The following CABYR variants were observed in gnomAD, a reference collection of about 807,000 sequenced individuals.
The protein encoded by CABYR is calcium-binding tyrosine phosphorylation-regulated protein.
A neutral mutation model predicts 36.1 loss-of-function variants in CABYR; 31 were observed. That is an observed-to-expected ratio of 0.86 (90% confidence interval 0.64 to 1.16). CABYR has a LOEUF of 1.16. CABYR is among the 50% of genes most tolerant of loss of function. The pLI, the probability that CABYR is intolerant of heterozygous loss-of-function variation, is 0.00. For synonymous variants in CABYR, 146 were observed against 160.7 expected, an observed-to-expected ratio of 0.91 and a Z score of 0.69; for missense variants, 429 against 455.8, an observed-to-expected ratio of 0.94 and a Z score of 0.53.
At chr18:24,146,842 A>C (rs1221828310) in intron 3 of CABYR, among the ~76,000 whole-genome samples, 1 of 152,194 alleles carries the variant, frequency 6.6e-6, no homozygotes, top group Non-Finnish European at 1.5e-5. Flanking sequence ...AAGCCAAAAG[A>C]CAATGGAATG....
chr18:24,148,880 A>G (rs1301332635), intron 3 of CABYR, among the ~76,000 whole-genome samples: 2 of 144,144 alleles, frequency 1.4e-5, no homozygotes, highest in East Asian at 3.9e-4. Flanking sequence ...GAGCAGTGGC[A>G]AAATTTATTG....
At chr18:24,154,851 T>C (rs758345159) in intron 3 of CABYR, among the ~76,000 whole-genome samples, 3 of 152,186 alleles carry the variant, frequency 2.0e-5, no homozygotes, top group Non-Finnish European at 4.4e-5. Context: ...AGAATTTTCC[T>C]CATGCCTGAG....
intron 4 of CABYR, 77 bp downstream of exon 4, chr18:24,156,119 C>T (rs371091135): frequency 1.9e-6 from 3 of 1,614,108 alleles, no homozygotes; most frequent in Admixed American, 3.3e-5. Context: ...CTGTTGTTAT[C>T]AAGGAGGTGC....
At chr18:24,160,363 G>GT (rs2085924554) in intron 5 of CABYR, 1 of 325,432 alleles carries the variant, frequency 3.1e-6, no homozygotes, top group Non-Finnish European at 5.6e-6. Flanking sequence ...AAACACAGTG[G>GT]TAGATGCGAA....
intron 3 of CABYR, among the ~76,000 whole-genome samples, chr18:24,147,234 C>T (rs2085480859): frequency 8.8e-6 from 1 of 114,234 alleles, no homozygotes; most frequent in Non-Finnish European, 1.6e-5. Flanking sequence ...GCCTAGGTGA[C>T]AGTGCAAAAC....
chr18:24,154,663 A>C (rs1160878940), intron 3 of CABYR, among the ~76,000 whole-genome samples: 2 of 152,224 alleles, frequency 1.3e-5, no homozygotes, highest in East Asian at 3.8e-4. Flanking sequence ...TTTTCTTATA[A>C]ATTTCATTAG....
Position 24,155,993 on chromosome 18 carries a change from G to C in CABYR, c.492G>C (p.Glu164Asp). Residue 164 changes from glutamate to aspartate, a missense_variant, in exon 4 of 6, where the codon GAG becomes GAC. Coordinates refer to ENST00000399496, the MANE Select transcript of CABYR (RefSeq NM_153769.3). ...SSPPPTAVSP[E>D]FAYVPADPAQ... ...CACCTCCAACAGCTGTCTCACCAGA[G>C]TTTGCCTACGTCCCAGCTGACCCAG... The C allele has an allele frequency of 6.2e-7, 1 of 1,614,174 alleles. No individual in the cohort carries two copies. Among genetic ancestry groups the C allele is most frequent in the South Asian group, 1.1e-5 (1 of 91,078 alleles).
intron 3 of CABYR, among the ~76,000 whole-genome samples, chr18:24,147,252 C>CAA (rs5823414): frequency 0.014 from 1,315 of 95,802 alleles, 68 homozygotes; most frequent in East Asian, 0.032. Flanking sequence ...AACCATGTCT[C>CAA]AAAAAAAAAA....
rs373775043 is a variant in CABYR, at chr18:24,155,952, A to G, written c.451A>G (p.Thr151Ala). ...SSKPATPKTT[T>A]PPSSPPPTAV... ...CAAACCAGCCACCCCTAAGACTACT[A>G]CCCCACCCTCATCACCACCTCCAAC... Residue 151 changes from threonine to alanine, a missense_variant, in exon 4 of 6, where the codon ACC becomes GCC. Transcript: ENST00000399496. The G allele has an allele frequency of 2.5e-6, 4 of 1,613,772 alleles. No individual in the cohort carries two copies. Among genetic ancestry groups the G allele is most frequent in the Non-Finnish European group, 2.5e-6 (3 of 1,179,986 alleles).
chr18:24,155,454 C>T (rs1318772007), intron 3 of CABYR, among the ~76,000 whole-genome samples: 1 of 152,014 alleles, frequency 6.6e-6, no homozygotes, highest in Non-Finnish European at 1.5e-5. Context: ...TGTGTCTATA[C>T]TGACATCTGA....
rs202161167 is a variant in CABYR at position 24,156,379 on chromosome 18, T to C, written c.541+337T>C. On this transcript the variant is annotated intron_variant, in intron 4 of 5. Transcript: ENST00000399496. ...ATTGAGGTTATGTCAACTGTTCATA[T>C]ATCATCTGTCTATAACGATGTGCCT... 7 of 1,614,254 alleles carry C rather than the reference T, an allele frequency of 4.3e-6. No individual in the cohort carries two copies. The East Asian group carries it at 1.3e-4, about 31-fold the overall frequency.
chr18:24,142,657 A>T (rs200896361), intron 1 of CABYR, among the ~76,000 whole-genome samples: 5 of 138,832 alleles, frequency 3.6e-5, no homozygotes, highest in Admixed American at 2.2e-4. Context: ...TTTTTTTTTT[A>T]AACTACCATC....
rs1255908135 is a variant in CABYR at position 24,159,861 on chromosome 18, A to AG, written c.932dup (p.Ser311ArgfsTer6). On this transcript the variant is annotated frameshift_variant, in exon 5 of 6. Coordinates refer to ENST00000399496, the MANE Select transcript of CABYR (RefSeq NM_153769.3). LOFTEE classifies it high-confidence loss of function. ...TGAGAAATACCAGAAACATACCCTA[A>AG]GTCCCCAGAATGCTAATCCTCCAAG... 1 of 1,614,182 alleles carries AG rather than the reference A, an allele frequency of 6.2e-7. No individual in the cohort carries two copies. The highest frequency in any genetic ancestry group is 1.7e-5 in the Admixed American group (1 of 60,022).
At chr18:24,143,311 T>G in intron 2 of CABYR, 49 bp from the exon 3 acceptor site, 1 of 1,599,176 alleles carries the variant, frequency 6.3e-7, no homozygotes, top group Non-Finnish European at 8.5e-7. Flanking sequence ...ACATTTTAAG[T>G]TAGGAATTTC....
intron 3 of CABYR, among the ~76,000 whole-genome samples, chr18:24,147,140 T>A (rs1427775261): frequency 6.8e-6 from 1 of 147,310 alleles, no homozygotes; most frequent in Non-Finnish European, 1.5e-5. Flanking sequence ...GAACATTTTT[T>A]AAAAATTAGC....
chr18:24,157,753 G>A (rs2085829761), intron 4 of CABYR, among the ~76,000 whole-genome samples: 1 of 152,180 alleles, frequency 6.6e-6, no homozygotes, highest in Non-Finnish European at 1.5e-5. Flanking sequence ...GTTTTCCTAT[G>A]ACATAGACAT....
intron 3 of CABYR, among the ~76,000 whole-genome samples, chr18:24,152,215 A>G (rs2085659068): frequency 6.6e-6 from 1 of 152,158 alleles, no homozygotes; most frequent in African/African-American, 2.4e-5. Flanking sequence ...ACTTTTCTGT[A>G]TCACTTTTTA....
At position 24,151,654 on chromosome 18, in the gene CABYR, C is replaced by G. The variant is rs1310680080; in HGVS notation, c.200-4047C>G. 1.5e-4 allele frequency among the ~76,000 whole-genome samples: 23 copies of G among 149,324 alleles called. No individual in the cohort carries two copies. In the Admixed American group the frequency reaches 1.5e-3, roughly 10 times the overall value. ...ATTTGCCAGCATTCTTTCATGTATT[C>G]CAAACAAAGCCAAATGGTTGATCTA... On this transcript the variant is annotated intron_variant, in intron 3 of 5. Transcript: ENST00000399496.
At chr18:24,148,269 A>G (rs1205387741) in intron 3 of CABYR, among the ~76,000 whole-genome samples, 1 of 152,152 alleles carries the variant, frequency 6.6e-6, no homozygotes, top group East Asian at 1.9e-4. Context: ...GAAATAAATA[A>G]AAATGTCCCC....
Sources: allele counts gnomAD v4.1 joint callset (sites outside exome capture counted in the v4.1 genomes callset), GRCh38; gene constraint gnomAD v4.1.1; transcripts MANE v1.5; gene names NCBI Gene and HGNC (gene_info 2026-07-23, HGNC 2026-07-21).